SMOC2: variants seen among roughly 807,000 people sequenced by gnomAD.
SMOC2 encodes the protein SPARC related modular calcium binding 2.
A neutral mutation model predicts 61.4 loss-of-function variants in SMOC2; 39 were observed. The observed-to-expected ratio is 0.64, with a 90% confidence interval of 0.49 to 0.83. The LOEUF (loss-of-function observed/expected upper bound fraction) is 0.83. Among genes scored for constraint, SMOC2 ranks in the 40% least tolerant of loss-of-function variants. The pLI is 0.00. For missense variants in SMOC2, 556 were observed against 592.9 expected, an observed-to-expected ratio of 0.94 and a Z score of 0.65; for synonymous variants, 247 against 239.9, an observed-to-expected ratio of 1.03 and a Z score of -0.27.
At chr6:168,533,744 G>C (rs1000441862) in intron 4 of SMOC2, among the ~76,000 whole-genome samples, 5 of 152,100 alleles carry the variant, frequency 3.3e-5, no homozygotes, top group African/African-American at 1.2e-4. Flanking sequence ...CTTGAAAAGT[G>C]AAAGTTATTA....
chr6:168,475,657 CCTG>C lies in SMOC2; in HGVS notation c.84+34206_84+34208del, dbSNP rs2115017922. Among the ~76,000 whole-genome samples, 1 of 152,222 alleles carries C rather than the reference CCTG, an allele frequency of 6.6e-6. No homozygotes were observed. Among genetic ancestry groups the C allele is most frequent in the African/African-American group, 2.4e-5 (1 of 41,552 alleles). ...CGGGGACAGAGGACGAGAACTGAGA[CCTG>C]CTTCCCACGCGTCTGTGGCCCAGGG... On this transcript the variant is annotated intron_variant, in intron 1 of 12. Transcript: ENST00000356284. This position sits in a 1 kb window ranked among gnomAD's most constrained non-coding sequence, Gnocchi z 4.6.
intron 1 of SMOC2, among the ~76,000 whole-genome samples, chr6:168,492,128 G>T (rs1782483634): frequency 6.6e-6 from 1 of 152,108 alleles, no homozygotes. Context: ...GAAATTACAG[G>T]TTGTATCTGA....
chr6:168,568,938 T>A (rs1221383037), intron 7 of SMOC2, among the ~76,000 whole-genome samples: 1 of 152,248 alleles, frequency 6.6e-6, no homozygotes, highest in Non-Finnish European at 1.5e-5. Context: ...GCACCATAGT[T>A]CATCTGTTTA....
intron 2 of SMOC2, among the ~76,000 whole-genome samples, chr6:168,518,470 CCTGT>C (rs1783207254): frequency 1.4e-5 from 2 of 144,734 alleles, no homozygotes; most frequent in Non-Finnish European, 3.0e-5. Context: ...TATTCATGTG[CCTGT>C]GAGTGTACAT....
rs77253515 is a variant in SMOC2, at chr6:168,479,839, G to A, written c.85-30076G>A. On this transcript the variant is annotated intron_variant, in intron 1 of 12. Coordinates refer to ENST00000356284, the MANE Select transcript of SMOC2 (RefSeq NM_001166412.2). ...CAACCCTTGCCTCCCACCTCCACCA[G>A]CAGAAGTGACTTCCAAGGTATTTAA... Among the ~76,000 whole-genome samples the A allele has an allele frequency of 8.2e-3, 1,245 of 152,256 alleles. 10 individuals are homozygous for A. The highest frequency in any genetic ancestry group is 0.039 in the South Asian group (187 of 4,824).
In SMOC2 at chr6:168,535,625, C is replaced by G. The variant is rs779419406; in HGVS notation, c.463+7898C>G. Among the ~76,000 whole-genome samples the G allele has an allele frequency of 4.6e-5, 7 of 152,190 alleles. No individual in the cohort carries two copies. The highest frequency in any genetic ancestry group is 8.8e-5 in the Non-Finnish European group (6 of 68,036). ...AGCATAAAAGCCGGTGCCACAAAGTCCACCGAAACCCTCCTCCAAGTCCAT... is the reference window on the plus strand; with the variant it reads ...AGCATAAAAGCCGGTGCCACAAAGTGCACCGAAACCCTCCTCCAAGTCCAT... On this transcript the variant is annotated intron_variant, in intron 4 of 12. Coordinates refer to ENST00000356284, the MANE Select transcript of SMOC2 (RefSeq NM_001166412.2). This position sits in a 1 kb window ranked among gnomAD's most constrained non-coding sequence, Gnocchi z 4.6.
intron 11 of SMOC2, among the ~76,000 whole-genome samples, chr6:168,659,576 C>A (rs12194146): frequency 4.3e-3 from 300 of 69,970 alleles, no homozygotes; most frequent in East Asian, 7.7e-3. Context: ...TAGGTTGAGT[C>A]AGGGTGGAGG....
intron 7 of SMOC2, among the ~76,000 whole-genome samples, chr6:168,584,041 G>A (rs553016496): frequency 6.6e-6 from 1 of 152,342 alleles, no homozygotes; most frequent in East Asian, 1.9e-4. Context: ...GTCCCTACAC[G>A]TCAGAGCAGC....
At chr6:168,500,709 G>A (rs1053085449) in intron 1 of SMOC2, among the ~76,000 whole-genome samples, 1 of 152,134 alleles carries the variant, frequency 6.6e-6, no homozygotes, top group African/African-American at 2.4e-5. Context: ...TCTACCCCCC[G>A]AGGAGGTACC....
chr6:168,469,211 G>A (rs1193694283), intron 1 of SMOC2, among the ~76,000 whole-genome samples: 2 of 152,244 alleles, frequency 1.3e-5, no homozygotes, highest in African/African-American at 2.4e-5. Flanking sequence ...GGTAAAAAGA[G>A]ATAAGAGCCA....
intron 9 of SMOC2, among the ~76,000 whole-genome samples, chr6:168,619,181 A>G (rs1040210947): frequency 1.3e-5 from 2 of 152,214 alleles, no homozygotes; most frequent in Admixed American, 1.3e-4. Context: ...CCAGATTTTT[A>G]AAGATAAAGT....
intron 2 of SMOC2, among the ~76,000 whole-genome samples, chr6:168,511,415 A>C (rs947580787): frequency 6.6e-6 from 1 of 152,170 alleles, no homozygotes; most frequent in Non-Finnish European, 1.5e-5. Flanking sequence ...GCCCACTATA[A>C]AACCATCAGA....
intron 1 of SMOC2, among the ~76,000 whole-genome samples, chr6:168,443,726 C>T (rs541821429): frequency 3.9e-4 from 59 of 152,168 alleles, no homozygotes; most frequent in Admixed American, 2.7e-3. Flanking sequence ...CTTTTGTCTC[C>T]GGAGGCCCTC....
chr6:168,656,507 T>TAAAAAAAAAAAA (rs5881805), intron 11 of SMOC2, among the ~76,000 whole-genome samples: 4 of 86,780 alleles, frequency 4.6e-5, no homozygotes, highest in Non-Finnish European at 8.8e-5. Flanking sequence ...GACTTTGTGT[T>TAAAAAAAAAAAA]AAAAAAAAAA....
At chr6:168,602,081 C>A (rs372949489) in intron 8 of SMOC2, among the ~76,000 whole-genome samples, 133 of 152,236 alleles carry the variant, frequency 8.7e-4, no homozygotes, top group African/African-American at 3.0e-3. Context: ...ACATTCAAAC[C>A]CTCTTTCAGG....
chr6:168,587,320 G>C (rs1256050608), intron 7 of SMOC2, among the ~76,000 whole-genome samples: 1 of 152,226 alleles, frequency 6.6e-6, no homozygotes, highest in African/African-American at 2.4e-5. Context: ...TCTGTGACAA[G>C]TCTCAGTCAA....
chr6:168,575,371 C>T (rs1784775109), intron 7 of SMOC2, among the ~76,000 whole-genome samples: 1 of 152,206 alleles, frequency 6.6e-6, no homozygotes. Context: ...AAATCTCTTA[C>T]TCTCCTAGCA....
intron 8 of SMOC2, among the ~76,000 whole-genome samples, chr6:168,603,699 A>G (rs1785613908): frequency 7.8e-6 from 1 of 128,940 alleles, no homozygotes; most frequent in Admixed American, 8.1e-5. Flanking sequence ...TATAATGTCA[A>G]ATGCTCTGGA....
At chr6:168,534,278 A>G (rs1244775873) in intron 4 of SMOC2, among the ~76,000 whole-genome samples, 2 of 152,248 alleles carry the variant, frequency 1.3e-5, no homozygotes, top group Non-Finnish European at 1.5e-5. Flanking sequence ...AAAATTTTCA[A>G]TAAAAGATTC....
Sources: gnomAD v4.1 joint callset for allele counts (sites outside exome capture counted in the v4.1 genomes callset) on GRCh38, gnomAD v4.1.1 for gene constraint, Gnocchi (gnomAD v3.1) non-coding constraint, MANE v1.5 for transcripts, NCBI Gene and HGNC (gene_info 2026-07-23, HGNC 2026-07-21) for gene names.